The following ADGRG1 variants were observed in gnomAD, a reference collection of about 807,000 sequenced individuals.
The protein encoded by ADGRG1 is adhesion G protein-coupled receptor G1.
A neutral mutation model predicts 73.5 loss-of-function variants in ADGRG1; 53 were observed. The ratio of observed to expected loss-of-function variants is 0.72; its 90% CI spans 0.58 to 0.91. The LOEUF is 0.91. Among genes scored for constraint, ADGRG1 ranks in the 40% least tolerant of loss-of-function variants. The pLI is 0.00. For missense variants in ADGRG1, 795 were observed against 871.8 expected (o/e 0.91, Z 1.11); for synonymous variants, 394 against 374.4 (o/e 1.05, Z -0.60).
At position 57,660,784 on chromosome 16, in the gene ADGRG1, G is replaced by A. The variant is rs1461136924; in HGVS notation, c.1572G>A (p.Leu524=). Residue 524 remains leucine, a synonymous_variant, in exon 12 of 14, where the codon CTG becomes CTA. Transcript: ENST00000562631. ...SAMGWGFPIF[L]VTLVALVDVD... ...CACCCTCAGGCTTCCCCATCTTTCT[G>A]GTGACGCTGGTGGCCCTGGTGGATG... 6.2e-7 allele frequency: 1 copy of A among 1,611,542 alleles called. No homozygotes were observed.
chr16:57,648,673 C>T (rs2148115789), intron 1 of ADGRG1: 1 of 984,118 alleles, frequency 1.0e-6, no homozygotes, highest in Non-Finnish European at 1.2e-6. Context: ...TAAACTCAGA[C>T]TCCACGTGTG....
chr16:57,628,853 TGA>T (rs1218385828), intron 1 of ADGRG1, 51 bp downstream of exon 1: 22 of 983,472 alleles, frequency 2.2e-5, no homozygotes, highest in Non-Finnish European at 2.5e-5. Context: ...AGTGTGAGTG[TGA>T]GAGTGTGAGT....
intron 1 of ADGRG1, chr16:57,636,313 T>G: frequency 1.0e-6 from 1 of 985,350 alleles, no homozygotes; most frequent in Non-Finnish European, 1.2e-6. Context: ...CAGCAGCCAT[T>G]AAAGCTGTCT....
chr16:57,630,996 C>T (rs1018436720), intron 1 of ADGRG1: 9 of 985,824 alleles, frequency 9.1e-6, no homozygotes, highest in African/African-American at 7.0e-5. Context: ...CAGGAGGACT[C>T]GCCAGGCAGG....
At chr16:57,643,555 G>C in intron 1 of ADGRG1, 2 of 984,660 alleles carry the variant, frequency 2.0e-6, no homozygotes, top group Non-Finnish European at 2.4e-6. Flanking sequence ...TGAGCTGGCG[G>C]TATGGGGGGT....
At chr16:57,637,241 C>T (rs547219626) in intron 1 of ADGRG1, 54 of 868,324 alleles carry the variant, frequency 6.2e-5, no homozygotes, top group East Asian at 4.8e-4. Flanking sequence ...TTTCAGTCCC[C>T]GCCCCGACCC....
upstream of ADGRG1, chr16:57,627,288 C>G (rs2036027747): frequency 6.3e-6 from 1 of 158,360 alleles, no homozygotes; most frequent in Non-Finnish European, 1.4e-5. Context: ...GAAGGCAGAT[C>G]TCTACCGGAG....
chr16:57,631,777 T>A (rs1405745933), intron 1 of ADGRG1: 2 of 985,494 alleles, frequency 2.0e-6, no homozygotes, highest in African/African-American at 1.7e-5. Context: ...TCCTTTCTCC[T>A]GAGCCGTCAC....
chr16:57,623,214 C>A, upstream of ADGRG1: 1 of 985,216 alleles, frequency 1.0e-6, no homozygotes, highest in East Asian at 1.1e-4. Context: ...CAGGGGTTCA[C>A]CTGCTCCAAG....
At chr16:57,653,116 T>C in intron 3 of ADGRG1, 87 bp from the exon 4 acceptor site, 1 of 1,595,020 alleles carries the variant, frequency 6.3e-7, no homozygotes, top group East Asian at 2.2e-5. Flanking sequence ...GCATTCAGAG[T>C]CATGTCAGGG....
At chr16:57,635,144 C>G (rs555375831) in intron 1 of ADGRG1, 1 of 985,260 alleles carries the variant, frequency 1.0e-6, no homozygotes, top group African/African-American at 1.7e-5. Context: ...TCTCCCTTAT[C>G]CAACAGGCTT....
chr16:57,630,159 C>T (rs1597074629), intron 1 of ADGRG1: 1 of 454,352 alleles, frequency 2.2e-6, no homozygotes, highest in Non-Finnish European at 2.9e-6. Context: ...GTGGCCCAGA[C>T]CCAGAGCCAA....
In ADGRG1 at chr16:57,659,689, G is replaced by T. The variant is rs1567810075; in HGVS notation, c.1555+8G>T. 1.2e-6 allele frequency: 2 copies of T among 1,613,406 alleles called. No individual in the cohort carries two copies. Among genetic ancestry groups the T allele is most frequent in the Non-Finnish European group, 1.7e-6 (2 of 1,179,848 alleles). ...TGAGCGCCATGGGCTGGGGTAAGTG[G>T]TTGGGCGGGGGGTGCCTCAGACCTG... is the stretch of plus-strand genomic sequence containing the variant. On this transcript the variant is annotated splice_region_variant and intron_variant, in intron 11 of 13. Coordinates refer to ENST00000562631, the MANE Select transcript of ADGRG1 (RefSeq NM_201525.4).
chr16:57,665,440 T>A lies in ADGRG1; in HGVS notation c.*1858T>A, dbSNP rs752522738. ...CCCCTGATTTTAAAATTTTGGCGAA[T>A]CCAAAACATTTTCTGGCCAAAGAGA... On this transcript the variant is annotated 3_prime_UTR_variant, in exon 14 of 14. Transcript: ENST00000562631. 1 of 152,198 alleles carries A rather than the reference T, an allele frequency of 6.6e-6. No homozygotes were observed. Among genetic ancestry groups the A allele is most frequent in the Non-Finnish European group, 1.5e-5 (1 of 68,032 alleles). The allele number at this position is 152,198 out of a possible 1,614,324, so 9.4% of individuals were successfully genotyped here.
chr16:57,648,687 T>C, intron 1 of ADGRG1: 1 of 984,638 alleles, frequency 1.0e-6, no homozygotes, highest in South Asian at 4.7e-5. Flanking sequence ...ACGTGTGTTC[T>C]CCGGCTTGTG....
chr16:57,631,968 C>A (rs577090035), intron 1 of ADGRG1: 111 of 984,396 alleles, frequency 1.1e-4, no homozygotes, highest in Non-Finnish European at 1.3e-4. Flanking sequence ...CCTGCCCTGG[C>A]AGGAGGTCAG....
chr16:57,641,447 C>T (rs566513731), intron 1 of ADGRG1: 24 of 982,350 alleles, frequency 2.4e-5, no homozygotes, highest in African/African-American at 5.3e-5. Context: ...CCAGAGTCTT[C>T]GGACTGCTGG....
At chr16:57,637,738 G>A in intron 1 of ADGRG1, 1 of 981,332 alleles carries the variant, frequency 1.0e-6, no homozygotes, top group Non-Finnish European at 1.2e-6. Context: ...CCACGGAGGG[G>A]CGGGGGAGAA....
chr16:57,632,106 A>T (rs1372246723), intron 1 of ADGRG1: 3 of 985,326 alleles, frequency 3.0e-6, no homozygotes, highest in East Asian at 2.3e-4. Context: ...CACTTTTCAG[A>T]TGAGGACATT....
Sources: allele counts gnomAD v4.1 joint callset, GRCh38; gene constraint gnomAD v4.1.1; transcripts MANE v1.5; gene names NCBI Gene and HGNC (gene_info 2026-07-23, HGNC 2026-07-21).